MGAT4C: variants seen among roughly 807,000 people sequenced by gnomAD.
The protein encoded by MGAT4C is alpha-1,3-mannosyl-glycoprotein 4-beta-N-acetylglucosaminyltransferase C.
In MGAT4C, 19 loss-of-function variants were observed where a neutral mutation model predicts 40.1. The observed-to-expected ratio is 0.47, with a 90% confidence interval of 0.33 to 0.70. The LOEUF (loss-of-function observed/expected upper bound fraction) is 0.70, where lower values mean the gene tolerates loss of function less well. Among genes scored for constraint, MGAT4C ranks in the 30% least tolerant of loss-of-function variants. The pLI is 0.02. For synonymous variants in MGAT4C, 181 were observed against 187.1 expected (o/e 0.97, Z 0.27); for missense variants, 491 against 563.2 (o/e 0.87, Z 1.30).
chr12:86,633,363 G>A (rs1440193960), intron 2 of MGAT4C, among the ~76,000 whole-genome samples: 3 of 152,122 alleles, frequency 2.0e-5, no homozygotes, highest in Middle Eastern at 6.8e-3. Flanking sequence ...GGTCATTTAA[G>A]AATTTGTCAT....
chr12:86,228,179 A>G (rs1390511110), intron 1 of MGAT4C, among the ~76,000 whole-genome samples: 3 of 151,830 alleles, frequency 2.0e-5, no homozygotes, highest in Non-Finnish European at 4.4e-5. Flanking sequence ...GTCCACATTC[A>G]TCACTTCTAT....
chr12:86,493,766 G>A (rs1958183252), intron 2 of MGAT4C, among the ~76,000 whole-genome samples: 1 of 151,838 alleles, frequency 6.6e-6, no homozygotes, highest in Non-Finnish European at 1.5e-5. Context: ...TTTGCACATT[G>A]TGCACATGTA....
Position 86,212,151 on chromosome 12 carries a change from T to C in MGAT4C, c.-57+44088A>G, listed in dbSNP as rs117842776. 2.0e-5 allele frequency among the ~76,000 whole-genome samples: 3 copies of C among 152,246 alleles called. No individual in the cohort carries two copies. The East Asian group carries it at 5.8e-4, about 29-fold the overall frequency. On this transcript the variant is annotated intron_variant, in intron 1 of 4. Coordinates refer to ENST00000611864, the MANE Select transcript of MGAT4C (RefSeq NM_001351288.2). ...AGAAAGACAAAGGAAAGAATACCCA[T>C]CTCGTTTGCATATCCACTAATCCAT... is the stretch of plus-strand genomic sequence containing the variant.
chr12:86,631,161 C>A (rs898018470), intron 2 of MGAT4C, among the ~76,000 whole-genome samples: 2 of 152,078 alleles, frequency 1.3e-5, no homozygotes, highest in African/African-American at 4.8e-5. Context: ...ACAATTGCTA[C>A]AAAGAGAATA....
At chr12:86,715,795 T>C (rs1370830156) in intron 2 of MGAT4C, among the ~76,000 whole-genome samples, 1 of 152,256 alleles carries the variant, frequency 6.6e-6, no homozygotes, top group East Asian at 1.9e-4. Context: ...ATTATTATTC[T>C]GTGTATGAAT....
chr12:86,766,999 G>T (rs1182931509), intron 1 of MGAT4C, among the ~76,000 whole-genome samples: 1 of 151,932 alleles, frequency 6.6e-6, no homozygotes, highest in African/African-American at 2.4e-5. Context: ...GGTAGCAGAA[G>T]GCAAGAAATA....
At chr12:86,421,431 C>T (rs1349405459) in intron 3 of MGAT4C, among the ~76,000 whole-genome samples, 8 of 152,006 alleles carry the variant, frequency 5.3e-5, no homozygotes, top group Non-Finnish European at 1.2e-4. Context: ...TATTTTTTCC[C>T]AAATAACCCT....
intron 2 of MGAT4C, among the ~76,000 whole-genome samples, chr12:86,592,468 T>C (rs1454299973): frequency 6.6e-6 from 1 of 152,164 alleles, no homozygotes; most frequent in African/African-American, 2.4e-5. Flanking sequence ...ACGTTAAGTT[T>C]CACATTTTTT....
chr12:86,756,556 G>A (rs1335276446), intron 1 of MGAT4C, among the ~76,000 whole-genome samples: 2 of 151,622 alleles, frequency 1.3e-5, no homozygotes, highest in South Asian at 4.2e-4. Context: ...TGATTTTAAC[G>A]GCCACTCTAT....
At chr12:86,806,263 G>T (rs973775868) in intron 1 of MGAT4C, among the ~76,000 whole-genome samples, 1 of 151,698 alleles carries the variant, frequency 6.6e-6, no homozygotes, top group South Asian at 2.1e-4. Context: ...CAATAAAATT[G>T]TAGTTTCAAA....
intron 4 of MGAT4C, among the ~76,000 whole-genome samples, chr12:86,298,623 C>T (rs1183780272): frequency 6.6e-6 from 1 of 152,022 alleles, no homozygotes; most frequent in African/African-American, 2.4e-5. Flanking sequence ...TAATGATGGT[C>T]TTTCAGATAA....
At chr12:86,322,492 T>A (rs1954419704) in intron 4 of MGAT4C, among the ~76,000 whole-genome samples, 1 of 152,272 alleles carries the variant, frequency 6.6e-6, no homozygotes, top group East Asian at 1.9e-4. Flanking sequence ...AGTTTCTTTC[T>A]TTTGTTTCTT....
At chr12:86,468,481 C>A (rs1177398863) in intron 2 of MGAT4C, among the ~76,000 whole-genome samples, 2 of 151,832 alleles carry the variant, frequency 1.3e-5, no homozygotes, top group Non-Finnish European at 2.9e-5. Context: ...ACCCCATATC[C>A]ACACATAATA....
chr12:86,291,296 GA>G (rs1343324201), intron 4 of MGAT4C, among the ~76,000 whole-genome samples: 8 of 152,290 alleles, frequency 5.3e-5, no homozygotes, highest in African/African-American at 1.9e-4. Flanking sequence ...TGCAATCCTA[GA>G]AAGAACTCTT....
chr12:86,692,689 A>C (rs572441006), intron 2 of MGAT4C, among the ~76,000 whole-genome samples: 118 of 152,300 alleles, frequency 7.7e-4, no homozygotes, highest in Admixed American at 1.5e-3. Context: ...AAGGAGAATA[A>C]TAGTGGTGTA....
chr12:86,053,913 A>G (rs1268278385), intron 1 of MGAT4C, among the ~76,000 whole-genome samples: 1 of 151,910 alleles, frequency 6.6e-6, no homozygotes, highest in African/African-American at 2.4e-5. Context: ...ACCTGTTAGA[A>G]TGGCCACCAT....
At chr12:86,691,954 A>T (rs1950180591) in intron 2 of MGAT4C, among the ~76,000 whole-genome samples, 1 of 152,166 alleles carries the variant, frequency 6.6e-6, no homozygotes, top group African/African-American at 2.4e-5. Context: ...GACAATTAAG[A>T]ACTGATAAAT....
intron 1 of MGAT4C, among the ~76,000 whole-genome samples, chr12:86,838,487 T>C (rs1027237935): frequency 2.0e-5 from 3 of 152,152 alleles, no homozygotes; most frequent in Admixed American, 1.3e-4. Context: ...TATATTCTAC[T>C]AATCTTCAGT....
chr12:86,393,285 C>T lies in MGAT4C; in HGVS notation c.-120+41872G>A, dbSNP rs113825519. 5.3e-3 allele frequency among the ~76,000 whole-genome samples: 802 copies of T among 152,132 alleles called. 3 individuals carry two copies. The highest frequency in any genetic ancestry group is 0.019 in the African/African-American group (771 of 41,496). ...ACACACAGAAAAACTTTTCCTACAG[C>T]ATTTGATTTGTATCACTTTCTTAAT... On this transcript the variant is annotated intron_variant, in intron 3 of 7. Coordinates refer to the MGAT4C transcript ENST00000548651.
Sources: allele counts gnomAD v4.1 joint callset (sites outside exome capture counted in the v4.1 genomes callset), GRCh38; gene constraint gnomAD v4.1.1; transcripts MANE v1.5; gene names NCBI Gene and HGNC (gene_info 2026-07-23, HGNC 2026-07-21).